GALNT13: variants seen among roughly 807,000 people sequenced by gnomAD.
GALNT13 encodes UDP-GalNAc:polypeptide N-acetylgalactosaminyltransferase 13.
Under a neutral mutation model 64.2 loss-of-function variants are expected in GALNT13, and 28 were observed. The ratio of observed to expected loss-of-function variants is 0.44; its 90% CI spans 0.32 to 0.60. The LOEUF is 0.60. GALNT13 is among the 20% of genes least tolerant of loss of function. GALNT13 has a pLI of 0.05. For missense variants in GALNT13, 577 were observed against 669.8 expected, an observed-to-expected ratio of 0.86 and a Z score of 1.53; for synonymous variants, 214 against 224.6, an observed-to-expected ratio of 0.95 and a Z score of 0.42.
At chr2:153,092,301 T>G in the GALNT13 span, among the ~76,000 whole-genome samples, 1,129 of 152,280 alleles carry the variant, frequency 7.4e-3, 9 homozygotes, top group Middle Eastern at 0.024. Context: ...GTTCCTTTTT[T>G]AGGATAGCCT....
At chr2:153,951,648 A>T (rs927764830) in intron 3 of GALNT13, among the ~76,000 whole-genome samples, 2 of 152,070 alleles carry the variant, frequency 1.3e-5, no homozygotes, top group Non-Finnish European at 2.9e-5. Context: ...AGATGATTTG[A>T]GGGTGGACTT....
intron 2 of GALNT13, among the ~76,000 whole-genome samples, chr2:153,914,905 G>A (rs1366010578): frequency 3.9e-5 from 6 of 152,064 alleles, no homozygotes; most frequent in African/African-American, 9.7e-5. Context: ...ACTACTCCTG[G>A]TGGGGGACAG....
At chr2:153,581,276 TATTG>T in the GALNT13 span, among the ~76,000 whole-genome samples, 151 of 152,228 alleles carry the variant, frequency 9.9e-4, no homozygotes, top group African/African-American at 3.3e-3. Context: ...AGTCAATGAA[TATTG>T]ATTAAGTACC....
chr2:153,632,034 A>T, the GALNT13 span, among the ~76,000 whole-genome samples: 1 of 152,134 alleles, frequency 6.6e-6, no homozygotes, highest in African/African-American at 2.4e-5. Context: ...ACACTGTCCA[A>T]GGCAAAACAG....
At chr2:154,140,832 C>T (rs904756186) in intron 4 of GALNT13, among the ~76,000 whole-genome samples, 38 of 152,098 alleles carry the variant, frequency 2.5e-4, no homozygotes, top group African/African-American at 8.4e-4. Flanking sequence ...TAGTAGATTA[C>T]AGTCGTATAT....
intron 3 of GALNT13, among the ~76,000 whole-genome samples, chr2:154,024,046 G>A (rs1306898528): frequency 1.3e-5 from 2 of 152,204 alleles, no homozygotes; most frequent in East Asian, 1.9e-4. Context: ...GGCTTGTAGA[G>A]TTTCTGCCGA....
chr2:153,238,167 A>C, the GALNT13 span, among the ~76,000 whole-genome samples: 2 of 152,026 alleles, frequency 1.3e-5, no homozygotes, highest in African/African-American at 4.8e-5. Context: ...TCTCTTGCTC[A>C]TTTTTAAATC....
intron 3 of GALNT13, among the ~76,000 whole-genome samples, chr2:153,986,793 C>A (rs189035697): frequency 6.6e-6 from 1 of 151,996 alleles, no homozygotes; most frequent in African/African-American, 2.4e-5. Context: ...TAAGAGAGAA[C>A]TATGAAAAGC....
chr2:153,343,550 T>C, the GALNT13 span, among the ~76,000 whole-genome samples: 1 of 114,584 alleles, frequency 8.7e-6, no homozygotes, highest in African/African-American at 2.9e-5. Flanking sequence ...AGAAAATAGA[T>C]AAAATAAAAA....
intron 3 of GALNT13, among the ~76,000 whole-genome samples, chr2:153,952,051 C>A (rs752655546): frequency 1.6e-4 from 25 of 152,108 alleles, no homozygotes; most frequent in Non-Finnish European, 3.2e-4. Flanking sequence ...ATGATATTAA[C>A]CCTTTCGTGC....
At chr2:154,241,220 C>A (rs756828025) in intron 4 of GALNT13, among the ~76,000 whole-genome samples, 6 of 152,226 alleles carry the variant, frequency 3.9e-5, no homozygotes, top group Non-Finnish European at 7.4e-5. Flanking sequence ...GGATGGCAGG[C>A]CAGGGCGGTC....
At chr2:153,891,035 C>A (rs775014750) in intron 1 of GALNT13, among the ~76,000 whole-genome samples, 1 of 152,022 alleles carries the variant, frequency 6.6e-6, no homozygotes, top group African/African-American at 2.4e-5. Context: ...ATTCTTTCTT[C>A]TACCTAAACT....
At chr2:153,268,620 C>T in the GALNT13 span, among the ~76,000 whole-genome samples, 1 of 152,168 alleles carries the variant, frequency 6.6e-6, no homozygotes. Context: ...TATGGTGGCT[C>T]CAACCTCACA....
chr2:153,719,483 C>T, the GALNT13 span, among the ~76,000 whole-genome samples: 1 of 152,116 alleles, frequency 6.6e-6, no homozygotes, highest in African/African-American at 2.4e-5. Context: ...AGGAACAGCT[C>T]CGGTCTACAG....
intron 3 of GALNT13, among the ~76,000 whole-genome samples, chr2:154,046,472 G>T (rs557742867): frequency 6.6e-6 from 1 of 152,264 alleles, no homozygotes; most frequent in African/African-American, 2.4e-5. Flanking sequence ...CTATCTTACA[G>T]ATCTTTTGTC....
chr2:154,009,734 C>T (rs960054101), intron 3 of GALNT13, among the ~76,000 whole-genome samples: 2 of 152,114 alleles, frequency 1.3e-5, no homozygotes, highest in African/African-American at 4.8e-5. Flanking sequence ...AGGTGATCCA[C>T]CCGCCTCGGC....
At chr2:154,169,239 A>G (rs976472983) in intron 4 of GALNT13, among the ~76,000 whole-genome samples, 1 of 152,132 alleles carries the variant, frequency 6.6e-6, no homozygotes, top group African/African-American at 2.4e-5. Context: ...GGGAGGGGTC[A>G]AACAAACCAT....
chr2:154,350,049 G>A (rs1696305073), intron 9 of GALNT13, among the ~76,000 whole-genome samples: 1 of 152,132 alleles, frequency 6.6e-6, no homozygotes, highest in Non-Finnish European at 1.5e-5. Context: ...AAAACCAGAA[G>A]AAATTTTTAT....
intron 11 of GALNT13, among the ~76,000 whole-genome samples, chr2:154,429,697 A>G (rs1049165639): frequency 3.3e-5 from 5 of 152,244 alleles, no homozygotes; most frequent in Admixed American, 1.3e-4. Context: ...CCCAATTGGA[A>G]GAAGATGCCA....
Sources: gnomAD v4.1 joint callset for allele counts (sites outside exome capture counted in the v4.1 genomes callset) on GRCh38, gnomAD v4.1.1 for gene constraint, MANE v1.5 for transcripts, NCBI Gene and HGNC (gene_info 2026-07-23, HGNC 2026-07-21) for gene names.